RACGAP1: variants seen among roughly 807,000 people sequenced by gnomAD.
RACGAP1 encodes the protein rac GTPase-activating protein 1.
RACGAP1 carries 30 observed loss-of-function variants against 78.1 expected under a neutral mutation model. That is an observed-to-expected ratio of 0.38 (90% CI 0.29 to 0.52). The LOEUF is 0.52. Among genes scored for constraint, RACGAP1 ranks in the 20% least tolerant of loss-of-function variants. RACGAP1 has a pLI of 0.82. For synonymous variants in RACGAP1, 231 were observed against 264.8 expected (o/e 0.87, Z 1.24); for missense variants, 587 against 777.1 (o/e 0.76, Z 2.91).
intron 2 of RACGAP1, among the ~76,000 whole-genome samples, chr12:50,014,191 T>G (rs1949517966): frequency 1.3e-5 from 2 of 152,238 alleles, no homozygotes; most frequent in Non-Finnish European, 2.9e-5. Context: ...TTAACACCAG[T>G]GAGGCTGACT....
In RACGAP1 at chr12:49,994,178, T is replaced by C. The variant is rs765673766; in HGVS notation, c.1292A>G (p.Glu431Gly). 6.2e-7 allele frequency: 1 copy of C among 1,613,804 alleles called. No individual in the cohort carries two copies. The change falls in exon 12 of 17, where the codon GAA becomes GGA. Residue 431 changes from glutamate to glycine, a missense_variant. Coordinates refer to ENST00000312377, the MANE Select transcript of RACGAP1 (RefSeq NM_001319999.2). ...GTTAAGGCGAAAGGTCAGAAGAGGT[T>C]CTTTGAGGTTTCGAAGAAAGTCTTT... ...LLKDFLRNLKEPLLTFRLNRA... is the reference protein window; with the variant it reads ...LLKDFLRNLKGPLLTFRLNRA...
At chr12:50,019,733 C>T (rs1019886121) in intron 1 of RACGAP1, 3 of 39,482 alleles carry the variant, frequency 7.6e-5, no homozygotes, top group African/African-American at 1.7e-4. Context: ...TAAAAAGGTC[C>T]TGGGACAAAC....
At chr12:50,020,276 C>T (rs971623897) in intron 1 of RACGAP1, among the ~76,000 whole-genome samples, 2 of 151,866 alleles carry the variant, frequency 1.3e-5, no homozygotes, top group Non-Finnish European at 2.9e-5. Context: ...TTTCAGGGTT[C>T]GAGTGATTCT....
intron 9 of RACGAP1, among the ~76,000 whole-genome samples, chr12:49,997,418 G>A (rs1948371946): frequency 6.6e-6 from 1 of 151,676 alleles, no homozygotes. Context: ...GGGATTACAG[G>A]TGCCCACCAC....
At chr12:50,025,097 G>C (rs1950215602) in intron 1 of RACGAP1, among the ~76,000 whole-genome samples, 1 of 152,060 alleles carries the variant, frequency 6.6e-6, no homozygotes, top group Admixed American at 6.6e-5. Context: ...GTATCTGACT[G>C]AGAGACTCTT....
At chr12:50,025,938 A>G (rs900937725), upstream of RACGAP1, among the ~76,000 whole-genome samples, 3 of 152,232 alleles carry the variant, frequency 2.0e-5, no homozygotes, top group African/African-American at 4.8e-5. Flanking sequence ...CACACATTGA[A>G]TGAGCCCACA....
At position 50,016,735 on chromosome 12, in the gene RACGAP1, A is replaced by G; in HGVS notation, c.-4-16T>C. The G allele has an allele frequency of 1.2e-6, 2 of 1,612,264 alleles. No individual in the cohort carries two copies. Reference sequence around the variant, plus strand: ...ATCCATCTTTCTGCCAAGAAATCAAATATACATTAGGGGTCCTGCCTTCTC... The same window carrying G: ...ATCCATCTTTCTGCCAAGAAATCAAGTATACATTAGGGGTCCTGCCTTCTC... On this transcript the variant is annotated splice_polypyrimidine_tract_variant and intron_variant, in intron 1 of 16. Coordinates refer to ENST00000312377, the MANE Select transcript of RACGAP1 (RefSeq NM_001319999.2).
intron 1 of RACGAP1, among the ~76,000 whole-genome samples, chr12:50,019,298 TA>T (rs1949862672): frequency 6.6e-6 from 1 of 152,186 alleles, no homozygotes; most frequent in Non-Finnish European, 1.5e-5. Context: ...GCACTTGAAT[TA>T]AACTTTACCA....
At chr12:50,012,765 A>C (rs1388271119) in intron 2 of RACGAP1, among the ~76,000 whole-genome samples, 1 of 149,244 alleles carries the variant, frequency 6.7e-6, no homozygotes, top group Non-Finnish European at 1.5e-5. Flanking sequence ...TTTCAAAAAA[A>C]ATAAAAAATA....
At chr12:50,012,006 T>C (rs1949369909) in intron 2 of RACGAP1, among the ~76,000 whole-genome samples, 1 of 143,898 alleles carries the variant, frequency 6.9e-6, no homozygotes, top group Non-Finnish European at 1.5e-5. Flanking sequence ...CATGAGCCTA[T>C]AGTCCCAGCT....
chr12:49,996,819 C>A (rs1187989296), intron 10 of RACGAP1, among the ~76,000 whole-genome samples: 2 of 150,598 alleles, frequency 1.3e-5, no homozygotes, highest in Non-Finnish European at 3.0e-5. Context: ...CAGGGAAGAG[C>A]AAGAAGGAAA....
chr12:50,025,075 A>G (rs945140277), intron 1 of RACGAP1, among the ~76,000 whole-genome samples: 2 of 151,536 alleles, frequency 1.3e-5, no homozygotes, highest in African/African-American at 4.9e-5. Flanking sequence ...CACTCCAACC[A>G]CTCTTAAACT....
intron 2 of RACGAP1, among the ~76,000 whole-genome samples, chr12:50,031,228 G>A (rs55936104): frequency 0.16 from 24,422 of 151,378 alleles, 3,228 homozygotes; most frequent in African/African-American, 0.36. Flanking sequence ...TGTAATCCCA[G>A]CACTTTGGGA....
Position 50,018,410 on chromosome 12 carries a change from C to T in RACGAP1, c.-4-1691G>A. On this transcript the variant is annotated intron_variant, in intron 1 of 16. Transcript: ENST00000312377. ...ACAAATTTATTACAAAGATCTTTCT[C>T]TAAACTAAGAACAAAACTAAAAGGA... 3 of 673,846 alleles carry T rather than the reference C, an allele frequency of 4.5e-6. No individual in the cohort carries two copies. In the South Asian group the frequency reaches 4.8e-5, roughly 11 times the overall value. 41.7% of individuals were successfully genotyped at this position (673,846 alleles called of 1,614,324 possible). A position where few individuals can be genotyped will look rare whatever the true frequency, so the allele number is the denominator to read the frequency against.
intron 10 of RACGAP1, 38 bp from the exon 11 acceptor site, chr12:49,994,547 C>A (rs369844899): frequency 6.3e-7 from 1 of 1,595,260 alleles, no homozygotes; most frequent in Non-Finnish European, 8.5e-7. Context: ...TTATTTACGC[C>A]ATGTAGACCA....
intron 2 of RACGAP1, among the ~76,000 whole-genome samples, chr12:50,011,295 C>T (rs773439008): frequency 2.7e-4 from 39 of 146,656 alleles, no homozygotes; most frequent in Non-Finnish European, 2.7e-4. Context: ...GATCACACAA[C>T]TGCACTCCAA....
chr12:50,019,956 G>C (rs552440158), intron 1 of RACGAP1: 65 of 152,142 alleles, frequency 4.3e-4, no homozygotes, highest in African/African-American at 1.5e-3. Flanking sequence ...GTTTGGTTTT[G>C]GTCTGATAGT....
In RACGAP1 at chr12:49,990,704, G is replaced by A. The variant is rs777625401; in HGVS notation, c.1803C>T (p.Thr601=). 19 of 1,613,148 alleles carry A rather than the reference G, an allele frequency of 1.2e-5. No individual in the cohort carries two copies. Among genetic ancestry groups the A allele is most frequent in the Non-Finnish European group, 1.6e-5 (19 of 1,179,160 alleles). The stretch of plus-strand genomic sequence containing the variant: ...CATACCTAGGAGTGTTCTTGGTGAG[G>A]GTGGAACGGACTCTCTGTGACAGGG... ...SSSLSQRVRS[T]LTKNTPRFGS... is the part of the protein sequence containing the mutation. The change falls in exon 16 of 17, where the codon ACC becomes ACT. Residue 601 remains threonine (T), a synonymous_variant. Transcript: ENST00000312377.
intron 2 of RACGAP1, among the ~76,000 whole-genome samples, chr12:50,016,260 G>A (rs1338796956): frequency 2.0e-5 from 3 of 152,224 alleles, no homozygotes; most frequent in East Asian, 1.9e-4. Flanking sequence ...GCGTGTGTCT[G>A]TAATCCCTGC....
Sources: allele counts gnomAD v4.1 joint callset (sites outside exome capture counted in the v4.1 genomes callset), GRCh38; gene constraint gnomAD v4.1.1; transcripts MANE v1.5; gene names NCBI Gene and HGNC (gene_info 2026-07-23, HGNC 2026-07-21).